GPC6: variants seen among roughly 807,000 people sequenced by gnomAD.
GPC6 encodes the protein glypican-6.
GPC6 carries 14 observed loss-of-function variants against 55.2 expected under a neutral mutation model. The observed-to-expected ratio is 0.25, with a 90% confidence interval of 0.17 to 0.40. The LOEUF is 0.40. Among genes scored for constraint, GPC6 ranks in the 10% least tolerant of loss-of-function variants. The pLI, the probability that GPC6 is intolerant of heterozygous loss-of-function variation, is 1.00. For missense variants in GPC6, 641 were observed against 708.5 expected (o/e 0.90, Z 1.08); for synonymous variants, 278 against 259.6 (o/e 1.07, Z -0.68).
chr13:93,912,988 TC>T (rs1320795936), intron 3 of GPC6, among the ~76,000 whole-genome samples: 2 of 152,256 alleles, frequency 1.3e-5, no homozygotes, highest in East Asian at 3.9e-4. Context: ...TTCTCCTTTC[TC>T]CTATAAAGAC....
At chr13:93,239,906 C>A (rs77351920) in intron 1 of GPC6, among the ~76,000 whole-genome samples, 2,057 of 152,104 alleles carry the variant, frequency 0.014, 47 homozygotes, top group African/African-American at 0.047. Context: ...CCTTCAGGAG[C>A]AGATAATTTA....
chr13:94,039,959 C>T (rs1161592915), intron 4 of GPC6, among the ~76,000 whole-genome samples: 2 of 151,912 alleles, frequency 1.3e-5, no homozygotes, highest in Non-Finnish European at 2.9e-5. Context: ...GAATGCTTAA[C>T]ATAATGATTT....
chr13:93,740,736 C>A (rs1360265326), intron 2 of GPC6, among the ~76,000 whole-genome samples: 1 of 152,078 alleles, frequency 6.6e-6, no homozygotes, highest in Non-Finnish European at 1.5e-5. Context: ...ATGCTAATTT[C>A]AAAGAACAAT....
intron 3 of GPC6, among the ~76,000 whole-genome samples, chr13:93,949,145 C>A (rs1221370131): frequency 6.6e-6 from 1 of 152,164 alleles, no homozygotes; most frequent in Non-Finnish European, 1.5e-5. Context: ...AATTTAACAC[C>A]TCCAAATTAG....
chr13:93,726,992 T>G (rs1228221648), intron 2 of GPC6, among the ~76,000 whole-genome samples: 2 of 152,118 alleles, frequency 1.3e-5, no homozygotes, highest in Non-Finnish European at 2.9e-5. Flanking sequence ...GTTGATATAT[T>G]TATATAAATA....
intron 2 of GPC6, among the ~76,000 whole-genome samples, chr13:93,578,112 T>C (rs1876752369): frequency 6.6e-6 from 1 of 152,166 alleles, no homozygotes; most frequent in Admixed American, 6.6e-5. Flanking sequence ...TAGTATTTTG[T>C]TGAGGATTTT....
In GPC6 at chr13:93,892,547, A is replaced by G. The variant is rs561578253; in HGVS notation, c.711+62002A>G. Among the ~76,000 whole-genome samples the G allele has an allele frequency of 3.5e-4, 54 of 152,304 alleles. No homozygotes were observed. In the South Asian group the frequency reaches 0.01, roughly 29 times the overall value. ...TTTATTTTGCCACTTAGTTATACAAATTATTAATTAGCAGTAAAACACACA... is the reference window on the plus strand; with the variant it reads ...TTTATTTTGCCACTTAGTTATACAAGTTATTAATTAGCAGTAAAACACACA... On this transcript the variant is annotated intron_variant, in intron 3 of 8. Coordinates refer to ENST00000377047, the MANE Select transcript of GPC6 (RefSeq NM_005708.5).
At chr13:94,015,443 A>G (rs1882423731) in intron 3 of GPC6, among the ~76,000 whole-genome samples, 1 of 152,134 alleles carries the variant, frequency 6.6e-6, no homozygotes, top group South Asian at 2.1e-4. Context: ...TATATGATTT[A>G]CAAATATTTT....
chr13:93,536,695 C>A (rs773075986), intron 1 of GPC6, among the ~76,000 whole-genome samples: 1 of 152,174 alleles, frequency 6.6e-6, no homozygotes, highest in Non-Finnish European at 1.5e-5. Context: ...GCTTGAACAA[C>A]ACCAATTTCA....
intron 2 of GPC6, among the ~76,000 whole-genome samples, chr13:93,673,704 G>A (rs1881467079): frequency 6.6e-6 from 1 of 152,146 alleles, no homozygotes; most frequent in South Asian, 2.1e-4. Context: ...CACAATGGTT[G>A]TGGTCATAGT....
intron 2 of GPC6, among the ~76,000 whole-genome samples, chr13:93,581,890 C>G (rs1301288917): frequency 6.6e-6 from 1 of 152,106 alleles, no homozygotes. Flanking sequence ...CATATCAATT[C>G]TAGAAGAGAG....
At chr13:94,383,271 A>G (rs1402148064) in intron 7 of GPC6, among the ~76,000 whole-genome samples, 1 of 152,178 alleles carries the variant, frequency 6.6e-6, no homozygotes, top group Non-Finnish European at 1.5e-5. Flanking sequence ...GAATCTGCCA[A>G]AGCCCTCAGC....
At position 93,789,598 on chromosome 13, in the gene GPC6, CATATATATATATAT is replaced by C. The variant is rs755185604; in HGVS notation, c.320-40522_320-40509del. On this transcript the variant is annotated intron_variant, in intron 2 of 8. Coordinates refer to ENST00000377047, the MANE Select transcript of GPC6 (RefSeq NM_005708.5). ...TAAATACTATATATATATAATACTA[CATATATATATATAT>C]ATATATATATATATATATATATATA... is the stretch of plus-strand genomic sequence containing the variant. Among the ~76,000 whole-genome samples the C allele has an allele frequency of 8.8e-3, 596 of 67,652 alleles. 5 individuals are homozygous for C. The highest frequency in any genetic ancestry group is 0.013 in the Middle Eastern group (1 of 80). 44.4% of individuals were successfully genotyped at this position (67,652 alleles called of 152,430 possible). A position where few individuals can be genotyped will look rare whatever the true frequency, so the allele number is the denominator to read the frequency against.
intron 5 of GPC6, among the ~76,000 whole-genome samples, chr13:94,295,290 C>T (rs34764450): frequency 7.2e-4 from 110 of 152,084 alleles, no homozygotes; most frequent in Non-Finnish European, 1.1e-3. Flanking sequence ...AAATGTTTAC[C>T]ATGGAGTAAG....
intron 4 of GPC6, among the ~76,000 whole-genome samples, chr13:94,087,993 A>G (rs1391955195): frequency 6.6e-6 from 1 of 152,154 alleles, no homozygotes; most frequent in Non-Finnish European, 1.5e-5. Flanking sequence ...TGAACCTTTT[A>G]AAACTACTGC....
chr13:93,895,746 T>C (rs1217870885), intron 3 of GPC6, among the ~76,000 whole-genome samples: 2 of 152,082 alleles, frequency 1.3e-5, no homozygotes, highest in Admixed American at 6.6e-5. Context: ...CAAGAAATAA[T>C]TCTCTGTTAC....
intron 1 of GPC6, among the ~76,000 whole-genome samples, chr13:93,343,225 A>G (rs977248493): frequency 6.8e-6 from 1 of 146,370 alleles, no homozygotes; most frequent in Non-Finnish European, 1.5e-5. Flanking sequence ...CAGTTCATTT[A>G]CATAACCCGG....
chr13:93,820,391 G>C (rs538561518), intron 2 of GPC6, among the ~76,000 whole-genome samples: 1 of 151,952 alleles, frequency 6.6e-6, no homozygotes, highest in South Asian at 2.1e-4. Context: ...TACACATTGA[G>C]AGTAATATAA....
At chr13:94,145,972 G>A (rs1332204996) in intron 4 of GPC6, among the ~76,000 whole-genome samples, 1 of 152,144 alleles carries the variant, frequency 6.6e-6, no homozygotes, top group East Asian at 1.9e-4. Context: ...TCTGAGCTAA[G>A]ATTTTATTTA....
Sources: allele counts gnomAD v4.1 joint callset (sites outside exome capture counted in the v4.1 genomes callset), GRCh38; gene constraint gnomAD v4.1.1; transcripts MANE v1.5; gene names NCBI Gene and HGNC (gene_info 2026-07-23, HGNC 2026-07-21).